DNAH14: variants seen among roughly 807,000 people sequenced by gnomAD.
DNAH14 encodes the protein dynein axonemal heavy chain 14.
In DNAH14, 478 loss-of-function variants were observed where a neutral mutation model predicts 520.9. The observed-to-expected ratio is 0.92, with a 90% CI of 0.85 to 0.99. The LOEUF (loss-of-function observed/expected upper bound fraction) is 0.99, where lower values mean the gene tolerates loss of function less well. Among genes scored for constraint, DNAH14 ranks in the 50% least tolerant of loss-of-function variants. The pLI, the probability that DNAH14 is intolerant of heterozygous loss-of-function variation, is 0.00. For missense variants in DNAH14, 4,831 were observed against 5,234.5 expected (o/e 0.92, Z 2.38); for synonymous variants, 1,581 against 1,757.2 (o/e 0.90, Z 2.51).
At chr1:225,054,892 C>A (rs1440943209) in intron 17 of DNAH14, among the ~76,000 whole-genome samples, 1 of 152,008 alleles carries the variant, frequency 6.6e-6, no homozygotes, top group Non-Finnish European at 1.5e-5. Context: ...TGTTTTATAA[C>A]TCAGTTAATA....
At chr1:225,058,663 C>T (rs1235199238) in intron 17 of DNAH14, among the ~76,000 whole-genome samples, 3 of 151,980 alleles carry the variant, frequency 2.0e-5, no homozygotes, top group African/African-American at 7.3e-5. Context: ...CTCTTGTGGG[C>T]ATTTAGTGCT....
chr1:225,333,521 C>G lies in DNAH14; in HGVS notation c.10080+15C>G. The G allele has an allele frequency of 6.5e-7, 1 of 1,531,676 alleles. No individual in the cohort carries two copies. Among genetic ancestry groups the G allele is most frequent in the Non-Finnish European group, 8.8e-7 (1 of 1,130,892 alleles). The allele number at this position is 1,531,676 out of a possible 1,614,324, so 94.9% of individuals were successfully genotyped here. ...AAAAATATGAGGTAATAACATATTT[C>G]TATTATCCAGTTAAGTGGCTATTAT... On this transcript the variant is annotated intron_variant, in intron 66 of 85. Coordinates refer to ENST00000682510, the MANE Select transcript of DNAH14 (RefSeq NM_001367479.1).
Position 225,322,792 on chromosome 1 carries a change from T to C in DNAH14, c.9464T>C (p.Ile3155Thr). 1 of 1,551,864 alleles carries C rather than the reference T, an allele frequency of 6.4e-7. No homozygotes were observed. The change falls in exon 62 of 86, where the codon ATT becomes ACT. Residue 3155 changes from isoleucine to threonine, a missense_variant. Physicochemically the swap from Ile to Thr is moderately conservative, Grantham distance 89. Coordinates refer to ENST00000682510, the MANE Select transcript of DNAH14 (RefSeq NM_001367479.1). ...LSETGFLKKL[I>T]NLDKDSIPDK... ...GAAACTGGTTTCCTGAAAAAATTGA[T>C]TAACCTTGACAAGGACAGCATACCT...
chr1:225,106,422 T>C (rs1459003518), intron 23 of DNAH14, among the ~76,000 whole-genome samples: 1 of 152,116 alleles, frequency 6.6e-6, no homozygotes, highest in East Asian at 1.9e-4. Context: ...AAGTTGAATG[T>C]TGGCCTGCCT....
At chr1:225,066,172 C>T (rs2070862985) in intron 17 of DNAH14, among the ~76,000 whole-genome samples, 1 of 151,862 alleles carries the variant, frequency 6.6e-6, no homozygotes, top group Non-Finnish European at 1.5e-5. Context: ...TGAGACATAT[C>T]TACTTTTTAT....
intron 75 of DNAH14, 133 bp from the exon 76 acceptor site, chr1:225,364,659 C>T (rs2095531503): frequency 7.0e-6 from 4 of 569,678 alleles, no homozygotes; most frequent in Non-Finnish European, 1.2e-5. Context: ...GGAAGCTCTT[C>T]TGATAATACA....
intron 9 of DNAH14, among the ~76,000 whole-genome samples, chr1:225,006,770 T>A (rs1037788060): frequency 6.6e-6 from 1 of 152,170 alleles, no homozygotes; most frequent in African/African-American, 2.4e-5. Context: ...CCCATTTGCC[T>A]TGTGATATTG....
At chr1:225,044,097 A>G (rs952924972) in intron 15 of DNAH14, 114 bp downstream of exon 15, 20 of 611,448 alleles carry the variant, frequency 3.3e-5, no homozygotes, top group African/African-American at 7.4e-5. Flanking sequence ...GAATATTAGT[A>G]TATCATAAAT....
chr1:225,036,550 A>G (rs1440398230), intron 11 of DNAH14, among the ~76,000 whole-genome samples: 1 of 152,082 alleles, frequency 6.6e-6, no homozygotes, highest in African/African-American at 2.4e-5. Context: ...GTTCCCATAC[A>G]TCTTTCTGCA....
At chr1:225,106,288 G>A (rs1236181766) in intron 23 of DNAH14, among the ~76,000 whole-genome samples, 1 of 151,760 alleles carries the variant, frequency 6.6e-6, no homozygotes, top group South Asian at 2.1e-4. Context: ...TGGATAACCC[G>A]ACCTTTCTCT....
At position 225,050,310 on chromosome 1, in the gene DNAH14, T is replaced by C. The variant is rs1032535977; in HGVS notation, c.2013T>C (p.Tyr671=). Residue 671 remains tyrosine, a synonymous_variant, in exon 16 of 86, where the codon TAT becomes TAC. Coordinates refer to ENST00000682510, the MANE Select transcript of DNAH14 (RefSeq NM_001367479.1). ...LPNKTGSIIH[Y]KEQTRWPDCH... The stretch of plus-strand genomic sequence containing the variant: ...ATAAGACAGGAAGCATAATACATTA[T>C]AAAGAGCAGACCAGATGGCCAGATT... 28 of 1,549,318 alleles carry C rather than the reference T, an allele frequency of 1.8e-5. No homozygotes were observed. The African/African-American group carries it at 3.4e-4, about 19-fold the overall frequency.
In DNAH14 at chr1:225,336,064, T is replaced by A. The variant is rs1174958619; in HGVS notation, c.10081-1202T>A. ...ATATATGCATATATACATATATGTA[T>A]ACATACATACTTATATATACATATA... On this transcript the variant is annotated intron_variant, in intron 66 of 85. Coordinates refer to ENST00000682510, the MANE Select transcript of DNAH14 (RefSeq NM_001367479.1). 1.0e-4 allele frequency among the ~76,000 whole-genome samples: 13 copies of A among 124,296 alleles called. No homozygotes were observed. In the East Asian group the frequency reaches 3.1e-3, roughly 30 times the overall value. 81.5% of individuals were successfully genotyped at this position (124,296 alleles called of 152,430 possible).
intron 53 of DNAH14, among the ~76,000 whole-genome samples, chr1:225,277,132 G>C (rs998115790): frequency 1.5e-5 from 2 of 135,778 alleles, no homozygotes; most frequent in East Asian, 2.4e-4. Flanking sequence ...GGACGGGGAA[G>C]GGGGAAGGGA....
In DNAH14 at chr1:225,364,886, G is replaced by T; in HGVS notation, c.12082G>T (p.Gly4028Cys). 1 of 1,544,398 alleles carries T rather than the reference G, an allele frequency of 6.5e-7. No homozygotes were observed. The highest frequency in any genetic ancestry group is 8.7e-7 in the Non-Finnish European group (1 of 1,143,916). The change falls in exon 76 of 86, where the codon GGT (glycine) becomes TGT (cysteine). Residue 4028 changes from glycine to cysteine, a missense_variant. Transcript: ENST00000682510. Reference sequence around the variant, plus strand: ...TTTTCCAATTCCTGTTCTTAAAAAGGGTTTAAAGGTAAGAACAAAGTATAA... The same window carrying T: ...TTTTCCAATTCCTGTTCTTAAAAAGTGTTTAAAGGTAAGAACAAAGTATAA... ...SSFPIPVLKKGLKIAVESPQG... is the reference protein window; with the variant it reads ...SSFPIPVLKKCLKIAVESPQG...
intron 27 of DNAH14, among the ~76,000 whole-genome samples, chr1:225,137,943 C>A (rs2079100437): frequency 6.6e-6 from 1 of 152,276 alleles, no homozygotes; most frequent in South Asian, 2.1e-4. Context: ...AGATCTCTGT[C>A]CACAGAACTG....
chr1:225,283,986 A>T (rs2093683103), intron 54 of DNAH14, among the ~76,000 whole-genome samples: 1 of 152,144 alleles, frequency 6.6e-6, no homozygotes, highest in African/African-American at 2.4e-5. Context: ...ACATGGAAAC[A>T]AACAAAAACA....
chr1:225,130,577 A>G lies in DNAH14; in HGVS notation c.4254+6963A>G, dbSNP rs541578650. On this transcript the variant is annotated intron_variant, in intron 27 of 85. Transcript: ENST00000682510. ...CAGTAAAATATCGCAAGGATAAAAA[A>G]CCAAACACTGCCTGTTCTCACTCAT... Among the ~76,000 whole-genome samples, 4 of 149,688 alleles carry G rather than the reference A, an allele frequency of 2.7e-5. No homozygotes were observed. In the South Asian group the frequency reaches 8.5e-4, roughly 32 times the overall value.
intron 44 of DNAH14, among the ~76,000 whole-genome samples, chr1:225,253,131 A>G (rs1258579827): frequency 6.6e-6 from 1 of 152,192 alleles, no homozygotes; most frequent in Non-Finnish European, 1.5e-5. Context: ...TTAACTCTAC[A>G]TTTGTTTTCG....
intron 17 of DNAH14, among the ~76,000 whole-genome samples, chr1:225,054,819 C>T (rs182613489): frequency 8.6e-5 from 13 of 152,012 alleles, no homozygotes; most frequent in East Asian, 1.9e-4. Flanking sequence ...AATTTTTGCC[C>T]GTTGCTTTAT....
Sources: gnomAD v4.1 joint callset for allele counts (sites outside exome capture counted in the v4.1 genomes callset) on GRCh38, gnomAD v4.1.1 for gene constraint, MANE v1.5 for transcripts, NCBI Gene and HGNC (gene_info 2026-07-23, HGNC 2026-07-21) for gene names.